TBC1D8: variants seen among roughly 807,000 people sequenced by gnomAD.
TBC1D8 encodes TBC1 domain family member 8, also known as BUB2-like protein 1.
A neutral mutation model predicts 118.8 loss-of-function variants in TBC1D8; 65 were observed. The ratio of observed to expected loss-of-function variants is 0.55; its 90% confidence interval spans 0.45 to 0.67. TBC1D8 has a LOEUF of 0.67. TBC1D8 is among the 30% of genes least tolerant of loss of function. The probability of loss-of-function intolerance (pLI) is 0.00; values close to 1 mark genes in which losing one functional copy is unlikely to be tolerated. For missense variants in TBC1D8, 1,376 were observed against 1,471.2 expected, an observed-to-expected ratio of 0.94 and a Z score of 1.06; for synonymous variants, 566 against 595.8, an observed-to-expected ratio of 0.95 and a Z score of 0.73.
chr2:101,143,709 G>A (rs375506882), intron 1 of TBC1D8, among the ~76,000 whole-genome samples: 2 of 152,232 alleles, frequency 1.3e-5, no homozygotes, highest in East Asian at 1.9e-4. Flanking sequence ...ACAGGCACAC[G>A]CCACCATGCT....
At chr2:101,011,256 G>A (rs1282515411) in intron 18 of TBC1D8, 195 bp downstream of exon 18, 5 of 691,726 alleles carry the variant, frequency 7.2e-6, no homozygotes, top group Non-Finnish European at 7.2e-6. Context: ...CTTGGTGGTG[G>A]GGGCAAGGGG....
chr2:101,010,549 A>G (rs1679124202), intron 19 of TBC1D8, among the ~76,000 whole-genome samples: 1 of 152,086 alleles, frequency 6.6e-6, no homozygotes, highest in Non-Finnish European at 1.5e-5. Flanking sequence ...TTTGCAGGTA[A>G]AGGGGCCCAA....
chr2:101,010,132 T>G (rs529438155), intron 19 of TBC1D8, among the ~76,000 whole-genome samples: 2 of 152,268 alleles, frequency 1.3e-5, no homozygotes, highest in East Asian at 3.9e-4. Flanking sequence ...CATTTTTAAC[T>G]TTAAGCCTAC....
At chr2:101,046,260 G>A (rs6725082) in intron 5 of TBC1D8, among the ~76,000 whole-genome samples, 86,350 of 152,122 alleles carry the variant, frequency 0.57, 26,077 homozygotes, top group Middle Eastern at 0.77. Context: ...GCTGTCAGGC[G>A]CCAGCACAGG....
chr2:101,022,242 C>A, intron 16 of TBC1D8, 39 bp downstream of exon 16: 1 of 1,612,716 alleles, frequency 6.2e-7, no homozygotes, highest in Non-Finnish European at 8.5e-7. Context: ...CAGACCCACA[C>A]CCCAAAGCAC....
At chr2:101,048,536 T>C (rs912565600) in intron 5 of TBC1D8, among the ~76,000 whole-genome samples, 9 of 152,174 alleles carry the variant, frequency 5.9e-5, no homozygotes, top group African/African-American at 2.2e-4. Context: ...TCAAGAGCAT[T>C]TGTGTTTGAT....
chr2:101,071,613 G>A (rs892790970), intron 2 of TBC1D8, among the ~76,000 whole-genome samples: 2 of 152,232 alleles, frequency 1.3e-5, no homozygotes, highest in Admixed American at 6.5e-5. Flanking sequence ...ATTTAACCCA[G>A]GTCTAGATCA....
chr2:101,104,741 C>T lies in TBC1D8; in HGVS notation c.128-14377G>A, dbSNP rs117587756. ...TAAAACTTCTACAACATAGGTCAGG[C>T]GCGGTGGCTCATGCCTGTAATCCCA... is the stretch of plus-strand genomic sequence containing the variant. On this transcript the variant is annotated intron_variant, in intron 1 of 19. Coordinates refer to ENST00000409318, the MANE Select transcript of TBC1D8 (RefSeq NM_001330348.2). Among the ~76,000 whole-genome samples the T allele has an allele frequency of 1.6e-4, 25 of 152,262 alleles. No individual in the cohort carries two copies. The East Asian group carries it at 4.8e-3, about 29-fold the overall frequency.
chr2:101,095,240 A>G (rs1216807070), intron 1 of TBC1D8, among the ~76,000 whole-genome samples: 1 of 119,966 alleles, frequency 8.3e-6, no homozygotes, highest in Non-Finnish European at 1.8e-5. Flanking sequence ...GCACCAGAGA[A>G]GTATTTTCTT....
intron 1 of TBC1D8, among the ~76,000 whole-genome samples, chr2:101,118,927 C>A (rs1174385549): frequency 6.6e-6 from 1 of 152,098 alleles, no homozygotes; most frequent in Non-Finnish European, 1.5e-5. Flanking sequence ...GGGAGGGTCA[C>A]TTAAGCCTGG....
chr2:101,026,357 A>G (rs1300540782), intron 15 of TBC1D8, among the ~76,000 whole-genome samples: 1 of 152,208 alleles, frequency 6.6e-6, no homozygotes, highest in Non-Finnish European at 1.5e-5. Context: ...TTGCCTTCGC[A>G]CAACAAAGGA....
chr2:101,121,530 A>G (rs1252908561), intron 1 of TBC1D8, among the ~76,000 whole-genome samples: 3 of 152,252 alleles, frequency 2.0e-5, no homozygotes, highest in Non-Finnish European at 2.9e-5. Flanking sequence ...GGTGCCTTCT[A>G]GAGCTGTGTC....
intron 2 of TBC1D8, among the ~76,000 whole-genome samples, chr2:101,064,350 T>C (rs192669621): frequency 7.2e-5 from 11 of 152,284 alleles, no homozygotes; most frequent in Admixed American, 3.3e-4. Context: ...TGCTGGCACC[T>C]TGATCCTGGA....
chr2:101,069,724 G>A (rs975900828), intron 2 of TBC1D8, among the ~76,000 whole-genome samples: 2 of 152,044 alleles, frequency 1.3e-5, no homozygotes, highest in African/African-American at 4.8e-5. Context: ...CTTGTATTGT[G>A]AATTTAAACA....
intron 1 of TBC1D8, among the ~76,000 whole-genome samples, chr2:101,150,365 GAA>G (rs1407006905): frequency 1.3e-5 from 2 of 152,034 alleles, no homozygotes; most frequent in Middle Eastern, 3.2e-3. Context: ...AGATACAAAT[GAA>G]AAAGTCTAAT....
At chr2:101,015,959 C>G (rs1679603575) in intron 17 of TBC1D8, among the ~76,000 whole-genome samples, 1 of 151,764 alleles carries the variant, frequency 6.6e-6, no homozygotes, top group Non-Finnish European at 1.5e-5. Flanking sequence ...AGACCTAAAA[C>G]CATAAAAACC....
intron 9 of TBC1D8, among the ~76,000 whole-genome samples, chr2:101,034,927 G>T (rs1256655579): frequency 2.0e-5 from 3 of 152,184 alleles, no homozygotes; most frequent in African/African-American, 7.2e-5. Flanking sequence ...GGTGCAGGCA[G>T]CATCAGTGAC....
In TBC1D8 at chr2:101,027,387, A is replaced by C. The variant is rs1371633323; in HGVS notation, c.2516T>G (p.Phe839Cys). ...PEDLEELYDL[F>C]KREHMMSCYW... Reference sequence around the variant, plus strand: ...CATCTTCCCAGAGCTGCGTACCTTGAATAAGTCGTAGAGCTCCTCTAGGTC... The same window carrying C: ...CATCTTCCCAGAGCTGCGTACCTTGCATAAGTCGTAGAGCTCCTCTAGGTC... The change falls in exon 15 of 20, where the codon TTC becomes TGC. Residue 839 changes from phenylalanine (F) to cysteine (C), a missense_variant. Coordinates refer to ENST00000409318, the MANE Select transcript of TBC1D8 (RefSeq NM_001330348.2). The C allele has an allele frequency of 1.9e-6, 3 of 1,612,940 alleles. No individual in the cohort carries two copies. Among genetic ancestry groups the C allele is most frequent in the Non-Finnish European group, 2.5e-6 (3 of 1,179,208 alleles).
At chr2:101,132,583 A>C (rs1351186917) in intron 1 of TBC1D8, among the ~76,000 whole-genome samples, 1 of 152,084 alleles carries the variant, frequency 6.6e-6, no homozygotes, top group Non-Finnish European at 1.5e-5. Context: ...TGTGTTTGAC[A>C]ATTTTGATCA....
Sources: gnomAD v4.1 joint callset for allele counts (sites outside exome capture counted in the v4.1 genomes callset) on GRCh38, gnomAD v4.1.1 for gene constraint, MANE v1.5 for transcripts, NCBI Gene and HGNC (gene_info 2026-07-23, HGNC 2026-07-21) for gene names.